The following CCSER1 variants were observed in gnomAD, a reference collection of about 807,000 sequenced individuals.
CCSER1 encodes the protein coiled-coil serine rich protein 1, also known as serine-rich coiled-coil domain-containing protein 1.
A neutral mutation model predicts 82.0 loss-of-function variants in CCSER1; 41 were observed. That is an observed-to-expected ratio of 0.50 (90% CI 0.39 to 0.65). The LOEUF is 0.65. Ranked by LOEUF, CCSER1 falls within the 30% of genes least tolerant of loss-of-function variation. The probability of loss-of-function intolerance (pLI) is 0.00; values close to 1 mark genes in which losing one functional copy is unlikely to be tolerated. For synonymous variants in CCSER1, 414 were observed against 383.9 expected (o/e 1.08, Z -0.92); for missense variants, 1,119 against 1,064.2 (o/e 1.05, Z -0.72).
intron 7 of CCSER1, among the ~76,000 whole-genome samples, chr4:90,754,199 A>G (rs1580317448): frequency 6.6e-6 from 1 of 152,206 alleles, no homozygotes; most frequent in African/African-American, 2.4e-5. Flanking sequence ...TAGCATGGGC[A>G]GGGACTTATT....
chr4:90,382,618 A>G (rs527342880), intron 3 of CCSER1, among the ~76,000 whole-genome samples: 2 of 152,100 alleles, frequency 1.3e-5, no homozygotes, highest in Non-Finnish European at 1.5e-5. Context: ...GGGAAATTCT[A>G]ATTTACAAGA....
intron 3 of CCSER1, among the ~76,000 whole-genome samples, chr4:90,366,677 T>G (rs974234921): frequency 1.3e-5 from 2 of 151,888 alleles, no homozygotes; most frequent in Admixed American, 6.6e-5. Context: ...TTGTGTATTT[T>G]AAACACAACA....
chr4:91,164,217 G>A (rs1280620559), intron 10 of CCSER1, among the ~76,000 whole-genome samples: 2 of 152,076 alleles, frequency 1.3e-5, no homozygotes, highest in East Asian at 3.9e-4. Context: ...ATGAAATTCT[G>A]GGTTGAAAAT....
intron 9 of CCSER1, among the ~76,000 whole-genome samples, chr4:91,047,131 C>T (rs1258851350): frequency 6.6e-6 from 1 of 152,086 alleles, no homozygotes; most frequent in Non-Finnish European, 1.5e-5. Context: ...TGGGGAAAAG[C>T]AGAGGCTTTA....
intron 10 of CCSER1, among the ~76,000 whole-genome samples, chr4:91,175,345 G>A (rs1581709608): frequency 6.6e-6 from 1 of 152,078 alleles, no homozygotes; most frequent in African/African-American, 2.4e-5. Flanking sequence ...TCCAGTAATG[G>A]GATCACTGGC....
chr4:91,253,525 A>G (rs1052963538), intron 10 of CCSER1, among the ~76,000 whole-genome samples: 2 of 152,172 alleles, frequency 1.3e-5, no homozygotes, highest in Non-Finnish European at 2.9e-5. Flanking sequence ...ACAAATAGAT[A>G]CTTATGAAAG....
At chr4:90,640,403 G>A (rs1469544502) in intron 6 of CCSER1, among the ~76,000 whole-genome samples, 1 of 152,014 alleles carries the variant, frequency 6.6e-6, no homozygotes, top group Non-Finnish European at 1.5e-5. Flanking sequence ...ATTTTATTAG[G>A]TTAATCAAGA....
chr4:91,188,770 TATACTC>T (rs1486243706), intron 10 of CCSER1, among the ~76,000 whole-genome samples: 1 of 152,182 alleles, frequency 6.6e-6, no homozygotes, highest in African/African-American at 2.4e-5. Flanking sequence ...ATTCAAGCAT[TATACTC>T]ATACTGAGAA....
intron 7 of CCSER1, among the ~76,000 whole-genome samples, chr4:90,753,851 G>A (rs1310923686): frequency 6.6e-6 from 1 of 152,062 alleles, no homozygotes; most frequent in East Asian, 1.9e-4. Context: ...GTCTTTTCTA[G>A]ATCTGGCAAT....
At chr4:91,060,203 G>T (rs1743839356) in intron 9 of CCSER1, among the ~76,000 whole-genome samples, 1 of 151,956 alleles carries the variant, frequency 6.6e-6, no homozygotes. Flanking sequence ...CTATTATTAT[G>T]ATGTTAAAAC....
chr4:90,413,590 C>T (rs996458777), intron 4 of CCSER1, among the ~76,000 whole-genome samples: 7 of 151,890 alleles, frequency 4.6e-5, no homozygotes, highest in African/African-American at 7.3e-5. Context: ...AAAAATGATA[C>T]GGGGTGTGAA....
At chr4:90,174,253 A>G (rs1732261754) in intron 1 of CCSER1, among the ~76,000 whole-genome samples, 2 of 151,996 alleles carry the variant, frequency 1.3e-5, no homozygotes, top group African/African-American at 4.8e-5. Flanking sequence ...AGGAGTTTAC[A>G]ACTAGTTTAA....
At chr4:91,116,447 G>A (rs1726609127) in intron 10 of CCSER1, among the ~76,000 whole-genome samples, 2 of 152,092 alleles carry the variant, frequency 1.3e-5, no homozygotes, top group South Asian at 4.1e-4. Context: ...ACAAATCCCT[G>A]CTAGGTAATT....
At chr4:90,296,418 A>G (rs898515240) in intron 1 of CCSER1, among the ~76,000 whole-genome samples, 5 of 152,110 alleles carry the variant, frequency 3.3e-5, no homozygotes, top group African/African-American at 1.2e-4. Context: ...GTAGGATGCA[A>G]AAATTTTCTC....
Position 90,597,538 on chromosome 4 carries a change from A to T in CCSER1, c.1725-30487A>T, listed in dbSNP as rs572706590. ...CCCATAATTTTCTTTAATTTTTTTTAAAAAATACATTTGACTGTGTATATT... is the reference window on the plus strand; with the variant it reads ...CCCATAATTTTCTTTAATTTTTTTTTAAAAATACATTTGACTGTGTATATT... On this transcript the variant is annotated intron_variant, in intron 5 of 10. Coordinates refer to ENST00000509176, the MANE Select transcript of CCSER1 (RefSeq NM_001145065.2). Among the ~76,000 whole-genome samples the T allele has an allele frequency of 7.4e-4, 112 of 152,130 alleles. 1 individual carries two copies. In the South Asian group the frequency reaches 0.016, roughly 21 times the overall value.
intron 9 of CCSER1, among the ~76,000 whole-genome samples, chr4:90,992,091 A>G (rs1330228688): frequency 6.6e-6 from 1 of 152,116 alleles, no homozygotes; most frequent in Non-Finnish European, 1.5e-5. Flanking sequence ...TTACTTTGGT[A>G]AATTGCTATA....
chr4:90,920,129 A>G (rs774400413), intron 8 of CCSER1, among the ~76,000 whole-genome samples: 1 of 151,892 alleles, frequency 6.6e-6, no homozygotes, highest in Non-Finnish European at 1.5e-5. Flanking sequence ...CTTAAATCAC[A>G]TGGTGTAAAT....
chr4:91,209,478 T>A (rs1362216507), intron 10 of CCSER1, among the ~76,000 whole-genome samples: 1 of 151,976 alleles, frequency 6.6e-6, no homozygotes, highest in Non-Finnish European at 1.5e-5. Context: ...ATTATGTGGT[T>A]TTTGTCTTTA....
intron 10 of CCSER1, among the ~76,000 whole-genome samples, chr4:91,580,517 A>T (rs1247929780): frequency 6.6e-6 from 1 of 151,778 alleles, no homozygotes; most frequent in Non-Finnish European, 1.5e-5. Context: ...TTGACCTGTA[A>T]TATACCCAGA....
Sources: gnomAD v4.1 joint callset for allele counts (sites outside exome capture counted in the v4.1 genomes callset) on GRCh38, gnomAD v4.1.1 for gene constraint, MANE v1.5 for transcripts, NCBI Gene and HGNC (gene_info 2026-07-23, HGNC 2026-07-21) for gene names.